The following NR3C2 variants were observed in gnomAD, a reference collection of about 807,000 sequenced individuals.
The protein encoded by NR3C2 is nuclear receptor subfamily 3 group C member 2.
NR3C2 carries 15 observed loss-of-function variants against 86.4 expected under a neutral mutation model. The ratio of observed to expected loss-of-function variants is 0.17; its 90% CI spans 0.12 to 0.27. NR3C2 has a LOEUF of 0.27. Among genes scored for constraint, NR3C2 ranks in the 10% least tolerant of loss-of-function variants. The pLI is 1.00. For missense variants in NR3C2, 960 were observed against 1,195.6 expected, an observed-to-expected ratio of 0.80 and a Z score of 2.91; for synonymous variants, 458 against 450.5, an observed-to-expected ratio of 1.02 and a Z score of -0.21.
Position 148,209,965 on chromosome 4 carries a change from G to GAGC in NR3C2, c.1898-15106_1898-15104dup, listed in dbSNP as rs1737202344. Among the ~76,000 whole-genome samples, 4 of 152,186 alleles carry GAGC rather than the reference G, an allele frequency of 2.6e-5. No homozygotes were observed. The South Asian group carries it at 8.3e-4, about 32-fold the overall frequency. On this transcript the variant is annotated intron_variant, in intron 3 of 8. Coordinates refer to ENST00000358102, the MANE Select transcript of NR3C2 (RefSeq NM_000901.5). ...CAACTTGCAGCCTGCCCTTGCTACA[G>GAGC]AGCAATGTTCTCTTGCTGTCCAGGG...
At chr4:148,406,502 A>G (rs1748434937) in intron 2 of NR3C2, among the ~76,000 whole-genome samples, 2 of 152,110 alleles carry the variant, frequency 1.3e-5, no homozygotes, top group South Asian at 2.1e-4. Flanking sequence ...AAAACTACCC[A>G]CAAGTGAGAG....
chr4:148,389,174 T>G (rs976318338), intron 2 of NR3C2, among the ~76,000 whole-genome samples: 1 of 152,176 alleles, frequency 6.6e-6, no homozygotes, highest in Non-Finnish European at 1.5e-5. Flanking sequence ...ACAACCAGGT[T>G]TTTTGAAGCA....
rs567005375 is a variant in NR3C2, at chr4:148,209,882, C to T, written c.1898-15020G>A. Among the ~76,000 whole-genome samples, 35 of 152,294 alleles carry T rather than the reference C, an allele frequency of 2.3e-4. No individual in the cohort carries two copies. In the South Asian group the frequency reaches 7.3e-3, roughly 32 times the overall value. Reference sequence around the variant, plus strand: ...GAATGTTCCAGCCTTTTCCCACTCCCCCAATCCATGATACTGGCCTGATCA... The same window carrying T: ...GAATGTTCCAGCCTTTTCCCACTCCTCCAATCCATGATACTGGCCTGATCA... On this transcript the variant is annotated intron_variant, in intron 3 of 8. Transcript: ENST00000358102.
At chr4:148,138,209 T>C (rs760744392) in intron 6 of NR3C2, among the ~76,000 whole-genome samples, 6 of 152,152 alleles carry the variant, frequency 3.9e-5, no homozygotes, top group Non-Finnish European at 7.3e-5. Flanking sequence ...TTAACGACAA[T>C]GTTAGGGACC....
chr4:148,311,709 T>A (rs569172706), intron 2 of NR3C2, among the ~76,000 whole-genome samples: 1 of 152,190 alleles, frequency 6.6e-6, no homozygotes, highest in African/African-American at 2.4e-5. Context: ...TAAGTCCTAA[T>A]AGTGGCCTAC....
At chr4:148,211,599 C>T (rs893877459) in intron 3 of NR3C2, among the ~76,000 whole-genome samples, 10 of 152,136 alleles carry the variant, frequency 6.6e-5, no homozygotes, top group African/African-American at 2.4e-4. Context: ...TTTGATAAAC[C>T]ATGGCGTCAC....
Position 148,244,075 on chromosome 4 carries a change from A to G in NR3C2, c.1897+15903T>C, listed in dbSNP as rs146826803. Among the ~76,000 whole-genome samples the G allele has an allele frequency of 2.9e-3, 441 of 152,322 alleles. 1 individual carries two copies. The highest frequency in any genetic ancestry group is 0.01 in the African/African-American group (432 of 41,574). On this transcript the variant is annotated intron_variant, in intron 3 of 8. Transcript: ENST00000358102. ...ACGTCCACGTACAGGTGGAGCTGGC[A>G]GTTAACTCCTGACAAAACTACCACT...
At chr4:148,085,428 A>C (rs946727905) in intron 8 of NR3C2, among the ~76,000 whole-genome samples, 4 of 152,216 alleles carry the variant, frequency 2.6e-5, no homozygotes, top group Non-Finnish European at 4.4e-5. Context: ...GAAATAAATA[A>C]GTTCTTTGAA....
In NR3C2 at chr4:148,436,806, A is replaced by G; in HGVS notation, c.55T>C (p.Trp19Arg). The stretch of plus-strand genomic sequence containing the variant: ...TCCACAGCCTGAGAAACTTGACCCC[A>G]CCGTCTTTCCATATCTAGACCTTCA... Reference protein sequence around the residue: ...LPEGLDMERRWGQVSQAVERS... With the variant: ...LPEGLDMERRRGQVSQAVERS... Residue 19 changes from tryptophan (W) to arginine (R), a missense_variant, in exon 2 of 9, where the codon TGG (tryptophan) becomes CGG (arginine). Physicochemically the swap from Trp to Arg is moderately radical, Grantham distance 101 (BLOSUM62 -3). This residue lies in a region of NR3C2 where 680 missense variants were observed against 719.0 expected (regional missense o/e 0.95). Coordinates refer to ENST00000358102, the MANE Select transcript of NR3C2 (RefSeq NM_000901.5). 3.7e-6 allele frequency: 6 copies of G among 1,612,982 alleles called. No individual in the cohort carries two copies. Among genetic ancestry groups the G allele is most frequent in the Non-Finnish European group, 5.1e-6 (6 of 1,179,876 alleles).
chr4:148,232,890 A>G (rs1738537713), intron 3 of NR3C2, among the ~76,000 whole-genome samples: 2 of 152,290 alleles, frequency 1.3e-5, no homozygotes, highest in East Asian at 1.9e-4. Context: ...AATTTCATGA[A>G]CCAACCTCTG....
chr4:148,278,523 G>A (rs1741073090), intron 2 of NR3C2, among the ~76,000 whole-genome samples: 1 of 152,126 alleles, frequency 6.6e-6, no homozygotes, highest in African/African-American at 2.4e-5. Context: ...AACTCAAGAA[G>A]ACTAAATAGG....
At chr4:148,274,135 T>C (rs550327557) in intron 2 of NR3C2, among the ~76,000 whole-genome samples, 103 of 143,210 alleles carry the variant, frequency 7.2e-4, no homozygotes, top group Non-Finnish European at 1.2e-3. Context: ...GGGAGAGAAA[T>C]AATATCTTTG....
At chr4:148,428,423 T>C (rs1749651124) in intron 2 of NR3C2, among the ~76,000 whole-genome samples, 1 of 152,188 alleles carries the variant, frequency 6.6e-6, no homozygotes, top group Non-Finnish European at 1.5e-5. Context: ...ACTGAGGAAC[T>C]ATCCCAGACT....
intron 2 of NR3C2, among the ~76,000 whole-genome samples, chr4:148,327,143 T>C (rs189708074): frequency 1.2e-4 from 18 of 152,286 alleles, no homozygotes; most frequent in Admixed American, 7.8e-4. Context: ...GGTTAGGGTA[T>C]TAATCTTCAA....
chr4:148,402,826 C>A (rs886775749), intron 2 of NR3C2, among the ~76,000 whole-genome samples: 4 of 152,020 alleles, frequency 2.6e-5, no homozygotes, highest in African/African-American at 9.7e-5. Flanking sequence ...AAGACACTCC[C>A]ACCTGACATG....
intron 3 of NR3C2, among the ~76,000 whole-genome samples, chr4:148,222,957 A>T (rs1216277830): frequency 6.6e-6 from 1 of 152,170 alleles, no homozygotes; most frequent in Non-Finnish European, 1.5e-5. Context: ...AAAGAGGGAG[A>T]GGAGAAACAG....
In NR3C2 at chr4:148,237,671, G is replaced by GTT. The variant is rs138670744; in HGVS notation, c.1897+22305_1897+22306dup. Among the ~76,000 whole-genome samples the GTT allele has an allele frequency of 9.9e-3, 1,427 of 143,634 alleles. 17 individuals are homozygous for GTT. The highest frequency in any genetic ancestry group is 0.036 in the African/African-American group (1,374 of 38,378). 94.2% of individuals were successfully genotyped at this position (143,634 alleles called of 152,430 possible). Reference sequence around the variant, plus strand: ...GGAGCACTGCCCAAAAACAAAATGGGTTTTTTTTTTTTTTTGGAAGCCAAA... The same window carrying GTT: ...GGAGCACTGCCCAAAAACAAAATGGGTTTTTTTTTTTTTTTTTGGAAGCCAAA... On this transcript the variant is annotated intron_variant, in intron 3 of 8. Transcript: ENST00000358102.
chr4:148,425,321 A>T (rs1264902670), intron 2 of NR3C2, among the ~76,000 whole-genome samples: 1 of 152,220 alleles, frequency 6.6e-6, no homozygotes, highest in Non-Finnish European at 1.5e-5. Flanking sequence ...ACTAGCAGAA[A>T]TGAAGTAAAG....
At chr4:148,216,865 G>A (rs1244695977) in intron 3 of NR3C2, among the ~76,000 whole-genome samples, 1 of 152,056 alleles carries the variant, frequency 6.6e-6, no homozygotes, top group Non-Finnish European at 1.5e-5. Context: ...CCAGAGGTAC[G>A]GTCTCCAAAG....
Sources: allele counts gnomAD v4.1 joint callset (sites outside exome capture counted in the v4.1 genomes callset), GRCh38; gene constraint gnomAD v4.1.1; regional missense constraint gnomAD v4.1.1; transcripts MANE v1.5; gene names NCBI Gene and HGNC (gene_info 2026-07-23, HGNC 2026-07-21).